RAB40C: variants seen among roughly 807,000 people sequenced by gnomAD.
RAB40C encodes the protein RAB40C, member RAS oncogene family.
Under a neutral mutation model 28.1 loss-of-function variants are expected in RAB40C, and 8 were observed. The ratio of observed to expected loss-of-function variants is 0.28; its 90% CI spans 0.17 to 0.51. RAB40C has a LOEUF of 0.51. RAB40C is among the 20% of genes least tolerant of loss of function. The probability of loss-of-function intolerance (pLI) is 0.97; values close to 1 mark genes in which losing one functional copy is unlikely to be tolerated. For synonymous variants in RAB40C, 201 were observed against 171.7 expected, an observed-to-expected ratio of 1.17 and a Z score of -1.34; for missense variants, 288 against 405.9, an observed-to-expected ratio of 0.71 and a Z score of 2.50.
chr16:606,862 G>A lies in RAB40C; in HGVS notation c.143-10346G>A, dbSNP rs182100122. Among the ~76,000 whole-genome samples the A allele has an allele frequency of 5.6e-4, 86 of 152,274 alleles. 1 individual carries two copies. Among genetic ancestry groups the A allele is most frequent in the African/African-American group, 2.0e-3 (82 of 41,546 alleles). ...TAATTGGCCCCACCCAGATAATCCC[G>A]GATAATCTCCCACCTCGAGATCCGT... On this transcript the variant is annotated intron_variant, in intron 1 of 5. Transcript: ENST00000248139.
chr16:602,075 G>A (rs985477751), intron 1 of RAB40C, among the ~76,000 whole-genome samples: 2 of 152,070 alleles, frequency 1.3e-5, no homozygotes, highest in Non-Finnish European at 2.9e-5. Context: ...GCAGTGAGCC[G>A]AGATTGCACC....
At chr16:607,748 G>A (rs866375358) in intron 1 of RAB40C, among the ~76,000 whole-genome samples, 5 of 152,284 alleles carry the variant, frequency 3.3e-5, no homozygotes, top group South Asian at 2.1e-4. Context: ...CCGAGATCGC[G>A]CCACTGCACT....
At chr16:592,299 C>A (rs1480121765) in intron 1 of RAB40C, among the ~76,000 whole-genome samples, 1 of 152,206 alleles carries the variant, frequency 6.6e-6, no homozygotes, top group African/African-American at 2.4e-5. Context: ...ACTCTCTCAA[C>A]TCGGGGGTTG....
chr16:615,525 G>A (rs1159528726), intron 1 of RAB40C, among the ~76,000 whole-genome samples: 1 of 152,214 alleles, frequency 6.6e-6, no homozygotes, highest in African/African-American at 2.4e-5. Flanking sequence ...GAGCCCTAAA[G>A]GTAGAAGCTT....
chr16:624,381 A>G (rs1276176133), intron 3 of RAB40C: 1 of 985,458 alleles, frequency 1.0e-6, no homozygotes, highest in East Asian at 1.1e-4. Flanking sequence ...ATCGCCCACC[A>G]GACTGACTTG....
chr16:618,649 A>G (rs2036641522), intron 3 of RAB40C, among the ~76,000 whole-genome samples: 1 of 146,978 alleles, frequency 6.8e-6, no homozygotes, highest in African/African-American at 2.6e-5. Flanking sequence ...CCATGTGTGC[A>G]GTGTGTGCGC....
intron 1 of RAB40C, chr16:596,351 T>A: frequency 4.4e-6 from 2 of 456,038 alleles, no homozygotes; most frequent in Non-Finnish European, 8.8e-6. Context: ...TGCTGGTCCC[T>A]GAAAAGCTGC....
At position 622,727 on chromosome 16, in the gene RAB40C, A is replaced by G. The variant is rs565886818; in HGVS notation, c.265-2705A>G. 1.1e-4 allele frequency among the ~76,000 whole-genome samples: 16 copies of G among 152,252 alleles called. No individual in the cohort carries two copies. The South Asian group carries it at 3.1e-3, about 30-fold the overall frequency. ...CACCATGTTGGCCAGGATGGTCTCCATCTCTTGACCTCGTGATCCGCCTGC... is the reference window on the plus strand; with the variant it reads ...CACCATGTTGGCCAGGATGGTCTCCGTCTCTTGACCTCGTGATCCGCCTGC... On this transcript the variant is annotated intron_variant, in intron 3 of 5. Coordinates refer to ENST00000248139, the MANE Select transcript of RAB40C (RefSeq NM_021168.5).
chr16:598,375 T>C (rs1461115763), intron 1 of RAB40C, among the ~76,000 whole-genome samples: 1 of 99,740 alleles, frequency 1.0e-5, no homozygotes, highest in Non-Finnish European at 2.0e-5. Flanking sequence ...AGACTCCACC[T>C]CAAAAAAAAA....
intron 1 of RAB40C, among the ~76,000 whole-genome samples, chr16:602,433 A>ATTTTTTTTTTTTT (rs1555454853): frequency 6.6e-6 from 1 of 151,302 alleles, no homozygotes; most frequent in Non-Finnish European, 1.5e-5. Flanking sequence ...TTTTTAATAA[A>ATTTTTTTTTTTTT]TTATTTTTTT....
At chr16:617,138 C>T (rs772800098) in intron 1 of RAB40C, 70 bp from the exon 2 acceptor site, 15 of 1,548,100 alleles carry the variant, frequency 9.7e-6, no homozygotes, top group African/African-American at 1.4e-5. Flanking sequence ...AGGCCAGTGG[C>T]CGAGGCTGGT....
intron 1 of RAB40C, among the ~76,000 whole-genome samples, chr16:611,545 C>T (rs1304377277): frequency 3.3e-5 from 5 of 152,236 alleles, no homozygotes; most frequent in African/African-American, 1.2e-4. Context: ...GTGTTGACGG[C>T]CTGAGCGCGG....
intron 1 of RAB40C, among the ~76,000 whole-genome samples, chr16:595,533 C>T (rs1335409255): frequency 6.6e-6 from 1 of 152,190 alleles, no homozygotes; most frequent in African/African-American, 2.4e-5. Context: ...CCGGGATGAC[C>T]CTGGCTGGCA....
upstream of RAB40C, chr16:589,675 C>G (rs1471199263): frequency 6.6e-6 from 1 of 151,294 alleles, no homozygotes; most frequent in African/African-American, 2.4e-5. Context: ...TCTGGGATTT[C>G]TCTGGGAGGC....
chr16:606,040 A>G (rs1596404437), intron 1 of RAB40C, among the ~76,000 whole-genome samples: 1 of 152,352 alleles, frequency 6.6e-6, no homozygotes, highest in Admixed American at 6.5e-5. Context: ...GATTCAGTTT[A>G]TTTATAATAA....
intron 1 of RAB40C, among the ~76,000 whole-genome samples, chr16:592,552 A>G (rs770590817): frequency 6.6e-6 from 1 of 152,210 alleles, no homozygotes. Flanking sequence ...CTGGTCCTGC[A>G]CTTGACAGTG....
chr16:589,371 C>T (rs954167045), upstream of RAB40C: 2 of 152,286 alleles, frequency 1.3e-5, no homozygotes, highest in Admixed American at 1.3e-4. Flanking sequence ...CGGGGCCACC[C>T]CGCCGCTCCC....
intron 4 of RAB40C, 136 bp downstream of exon 4, chr16:625,645 A>G (rs542577229): frequency 2.0e-6 from 2 of 978,080 alleles, no homozygotes; most frequent in Admixed American, 4.2e-5. Context: ...CCCACGGCCT[A>G]CGCCTGGGCA....
intron 1 of RAB40C, among the ~76,000 whole-genome samples, chr16:596,114 G>A (rs2036118260): frequency 6.6e-6 from 1 of 152,248 alleles, no homozygotes; most frequent in African/African-American, 2.4e-5. Flanking sequence ...GCAGGTGCAC[G>A]GCAGTGCCAG....
Sources: gnomAD v4.1 joint callset for allele counts (sites outside exome capture counted in the v4.1 genomes callset) on GRCh38, gnomAD v4.1.1 for gene constraint, MANE v1.5 for transcripts, NCBI Gene and HGNC (gene_info 2026-07-23, HGNC 2026-07-21) for gene names.